The following SPAG17 variants were observed in gnomAD, a reference collection of about 807,000 sequenced individuals.
The protein encoded by SPAG17 is sperm associated antigen 17.
Under a neutral mutation model 273.6 loss-of-function variants are expected in SPAG17, and 169 were observed. The observed-to-expected ratio is 0.62, with a 90% CI of 0.55 to 0.70. The LOEUF is 0.70. Among genes scored for constraint, SPAG17 ranks in the 30% least tolerant of loss-of-function variants. The probability of loss-of-function intolerance (pLI) is 0.00; values close to 1 mark genes in which losing one functional copy is unlikely to be tolerated. For missense variants in SPAG17, 2,557 were observed against 2,627.8 expected, an observed-to-expected ratio of 0.97 and a Z score of 0.59; for synonymous variants, 825 against 873.2, an observed-to-expected ratio of 0.94 and a Z score of 0.97.
intron 1 of SPAG17, among the ~76,000 whole-genome samples, chr1:118,163,090 T>C (rs1660004897): frequency 6.6e-6 from 1 of 152,214 alleles, no homozygotes; most frequent in Non-Finnish European, 1.5e-5. Context: ...GCTTTAATTT[T>C]ACAGGTTTAT....
intron 1 of SPAG17, among the ~76,000 whole-genome samples, chr1:118,171,030 A>C (rs1660393906): frequency 6.6e-6 from 1 of 152,212 alleles, no homozygotes; most frequent in Non-Finnish European, 1.5e-5. Context: ...GGTAATTCCA[A>C]GATGAGTAGA....
intron 37 of SPAG17, among the ~76,000 whole-genome samples, chr1:117,991,140 C>A (rs1342205720): frequency 6.6e-6 from 1 of 152,032 alleles, no homozygotes; most frequent in African/African-American, 2.4e-5. Flanking sequence ...CTATTTCATT[C>A]ATTAGTTCAT....
chr1:118,110,161 A>G (rs934768540), intron 4 of SPAG17, among the ~76,000 whole-genome samples: 1 of 152,234 alleles, frequency 6.6e-6, no homozygotes, highest in African/African-American at 2.4e-5. Context: ...TTATGAAAAG[A>G]AATTGAAATA....
Position 118,040,780 on chromosome 1 carries a change from T to C in SPAG17, c.3116A>G (p.Tyr1039Cys). Residue 1039 changes from tyrosine (Y) to cysteine (C), a missense_variant, in exon 22 of 49, where the codon TAT (tyrosine) becomes TGT (cysteine). Coordinates refer to ENST00000336338, the MANE Select transcript of SPAG17 (RefSeq NM_206996.4). The stretch of plus-strand genomic sequence containing the variant: ...TTCAATCTGCCCCCCATCAGAAGGA[T>C]ACAGGTAGTAATTTGACCCTGAGAT... ...TQISGSNYYLYPSDGGQIEVE... is the reference protein window; with the variant it reads ...TQISGSNYYLCPSDGGQIEVE... The C allele has an allele frequency of 6.2e-7, 1 of 1,607,370 alleles. No individual in the cohort carries two copies. The highest frequency in any genetic ancestry group is 8.5e-7 in the Non-Finnish European group (1 of 1,173,756).
intron 23 of SPAG17, among the ~76,000 whole-genome samples, chr1:118,037,351 C>A (rs1350957430): frequency 6.6e-6 from 1 of 151,142 alleles, no homozygotes; most frequent in Non-Finnish European, 1.5e-5. Context: ...ACTTTTTTTT[C>A]TTTTCTCAAT....
chr1:118,125,182 G>C (rs779170135), intron 3 of SPAG17, among the ~76,000 whole-genome samples: 15 of 151,668 alleles, frequency 9.9e-5, no homozygotes, highest in Non-Finnish European at 2.9e-5. Context: ...CTCCTGGCCT[G>C]AGCACATATC....
intron 34 of SPAG17, 117 bp downstream of exon 34, chr1:117,996,253 G>A: frequency 8.1e-7 from 1 of 1,231,028 alleles, no homozygotes; most frequent in Non-Finnish European, 1.1e-6. Context: ...TTCCAAAGTA[G>A]AGCAGAAAAG....
At chr1:118,135,494 C>T (rs1178629786) in intron 3 of SPAG17, among the ~76,000 whole-genome samples, 3 of 151,880 alleles carry the variant, frequency 2.0e-5, no homozygotes, top group African/African-American at 4.8e-5. Context: ...TCCTAGGCTT[C>T]GCAGTCACTT....
intron 1 of SPAG17, among the ~76,000 whole-genome samples, chr1:118,173,559 G>A (rs2102398188): frequency 6.6e-6 from 1 of 152,290 alleles, no homozygotes; most frequent in Admixed American, 6.5e-5. Context: ...TGAGGAAAGA[G>A]ATTATGGGCA....
At chr1:118,072,524 A>G (rs564104466) in intron 17 of SPAG17, among the ~76,000 whole-genome samples, 1 of 152,316 alleles carries the variant, frequency 6.6e-6, no homozygotes, top group African/African-American at 2.4e-5. Flanking sequence ...GTTATGTTTG[A>G]ATGTATTGAG....
intron 3 of SPAG17, among the ~76,000 whole-genome samples, chr1:118,133,418 C>T (rs977706341): frequency 1.3e-5 from 2 of 151,992 alleles, no homozygotes; most frequent in Non-Finnish European, 2.9e-5. Context: ...TACCTAGGTG[C>T]TTTTTCAGAA....
intron 3 of SPAG17, among the ~76,000 whole-genome samples, chr1:118,144,309 C>T (rs1350516800): frequency 6.6e-6 from 1 of 152,178 alleles, no homozygotes. Context: ...TGTGGGGGCC[C>T]AGGGCTGTTA....
At chr1:117,954,263 G>T (rs936517855) in intron 48 of SPAG17, among the ~76,000 whole-genome samples, 4 of 152,054 alleles carry the variant, frequency 2.6e-5, no homozygotes, top group African/African-American at 9.7e-5. Flanking sequence ...GGGAAGAAGG[G>T]AACTTGGTCT....
At chr1:118,124,241 T>G (rs1183120288) in intron 3 of SPAG17, among the ~76,000 whole-genome samples, 1 of 152,218 alleles carries the variant, frequency 6.6e-6, no homozygotes, top group Non-Finnish European at 1.5e-5. Context: ...TTCCTTAGTC[T>G]AAGATGCTCC....
chr1:118,016,048 G>T lies in SPAG17; in HGVS notation c.4204C>A (p.Arg1402=). The change falls in exon 29 of 49, where the codon CGG becomes AGG. Residue 1402 remains arginine (R), a synonymous_variant. Coordinates refer to ENST00000336338, the MANE Select transcript of SPAG17 (RefSeq NM_206996.4). ...CTTTCTAATCCTTTGGTGCCGATCC[G>T]ATTTCCTTCAGGTGTGGTTGTAAAC... ...TWFTTTPEGN[R]IGTKGLERIA... 2.5e-6 allele frequency: 4 copies of T among 1,613,998 alleles called. No homozygotes were observed. The South Asian group carries it at 4.4e-5, about 18-fold the overall frequency.
chr1:118,058,341 G>A (rs1651922834), intron 18 of SPAG17, among the ~76,000 whole-genome samples: 1 of 152,064 alleles, frequency 6.6e-6, no homozygotes, highest in Admixed American at 6.6e-5. Context: ...CCAAGTAGCT[G>A]GGATCACAGG....
At chr1:118,093,456 C>G (rs1408757918) in intron 7 of SPAG17, 139 bp from the exon 8 acceptor site, 3 of 782,372 alleles carry the variant, frequency 3.8e-6, no homozygotes, top group Non-Finnish European at 5.8e-6. Flanking sequence ...ACCACTGAAT[C>G]CCAACCATGG....
At chr1:118,000,699 T>C (rs564670995) in intron 32 of SPAG17, among the ~76,000 whole-genome samples, 1 of 152,340 alleles carries the variant, frequency 6.6e-6, no homozygotes, top group African/African-American at 2.4e-5. Context: ...TGAAGTTGCT[T>C]ATCAGCTTAA....
At chr1:118,148,799 G>A (rs1178650615) in intron 3 of SPAG17, among the ~76,000 whole-genome samples, 1 of 152,112 alleles carries the variant, frequency 6.6e-6, no homozygotes, top group Non-Finnish European at 1.5e-5. Flanking sequence ...CTATTCCATG[G>A]CCACCACTCG....
Sources: allele counts gnomAD v4.1 joint callset (sites outside exome capture counted in the v4.1 genomes callset), GRCh38; gene constraint gnomAD v4.1.1; transcripts MANE v1.5; gene names NCBI Gene and HGNC (gene_info 2026-07-23, HGNC 2026-07-21).